Variants in PAX3 observed in about 807,000 individuals in gnomAD.
PAX3 encodes the protein paired box 3.
Under a neutral mutation model 51.6 loss-of-function variants are expected in PAX3, and 14 were observed. The observed-to-expected ratio is 0.27, with a 90% CI of 0.18 to 0.42. PAX3 has a LOEUF of 0.42. Ranked by LOEUF, PAX3 falls within the 10% of genes least tolerant of loss-of-function variation. The probability of loss-of-function intolerance (pLI) is 1.00; values close to 1 mark genes in which losing one functional copy is unlikely to be tolerated. For missense variants in PAX3, 540 were observed against 642.8 expected (o/e 0.84, Z 1.73); for synonymous variants, 280 against 253.4 (o/e 1.11, Z -1.00).
At chr2:222,249,479 T>C (rs947724700) in intron 4 of PAX3, among the ~76,000 whole-genome samples, 2 of 152,090 alleles carry the variant, frequency 1.3e-5, no homozygotes, top group African/African-American at 4.8e-5. Context: ...AACAAAGAGG[T>C]TTTTTTCTTC....
At chr2:222,273,781 G>A (rs1431093250) in intron 4 of PAX3, among the ~76,000 whole-genome samples, 1 of 151,022 alleles carries the variant, frequency 6.6e-6, no homozygotes, top group Non-Finnish European at 1.5e-5. Flanking sequence ...TTTTCCTATT[G>A]AGAAACTCAT....
chr2:222,207,455 C>A (rs182735066), intron 7 of PAX3, among the ~76,000 whole-genome samples: 1 of 152,268 alleles, frequency 6.6e-6, no homozygotes, highest in East Asian at 1.9e-4. Flanking sequence ...CTTTACCTAA[C>A]CAGATAGAAA....
chr2:222,221,171 G>A (rs779486027), intron 6 of PAX3, 51 bp downstream of exon 6: 2 of 1,555,662 alleles, frequency 1.3e-6, no homozygotes, highest in Non-Finnish European at 1.8e-6. Flanking sequence ...ATATCCACCA[G>A]AGAAATCGCC....
At chr2:222,287,450 C>T (rs1002863053) in intron 4 of PAX3, 1 of 152,164 alleles carries the variant, frequency 6.6e-6, no homozygotes, top group Admixed American at 6.5e-5. Flanking sequence ...CTTGGGTCAG[C>T]AATTTTGAGT....
At chr2:222,233,941 T>A (rs958493991) in intron 4 of PAX3, among the ~76,000 whole-genome samples, 1 of 152,234 alleles carries the variant, frequency 6.6e-6, no homozygotes, top group African/African-American at 2.4e-5. Context: ...AGAAGCAATG[T>A]GAATATGTGT....
intron 7 of PAX3, among the ~76,000 whole-genome samples, chr2:222,209,807 C>T (rs1691656292): frequency 6.8e-6 from 1 of 147,792 alleles, no homozygotes; most frequent in Non-Finnish European, 1.5e-5. Context: ...AAGAGAATCA[C>T]CTGAGCCCAG....
At chr2:222,257,228 A>G (rs1404439592) in intron 4 of PAX3, among the ~76,000 whole-genome samples, 1 of 151,468 alleles carries the variant, frequency 6.6e-6, no homozygotes, top group Non-Finnish European at 1.5e-5. Context: ...TGACCTTCAG[A>G]TAAGTTTCTG....
In PAX3 at chr2:222,213,351, C is replaced by A. The variant is rs542716666; in HGVS notation, c.1173+6789G>T. ...GTCAATTACAGCCTGCTCATTGATT[C>A]AACAAATGGATTAACAGCCATGTTT... is the stretch of plus-strand genomic sequence containing the variant. On this transcript the variant is annotated intron_variant, in intron 7 of 8. Transcript: ENST00000392070. 3.9e-5 allele frequency among the ~76,000 whole-genome samples: 6 copies of A among 152,232 alleles called. No individual in the cohort carries two copies. The East Asian group carries it at 5.8e-4, about 15-fold the overall frequency.
At chr2:222,284,797 G>A (rs1312037984) in intron 4 of PAX3, among the ~76,000 whole-genome samples, 1 of 152,176 alleles carries the variant, frequency 6.6e-6, no homozygotes, top group Non-Finnish European at 1.5e-5. Flanking sequence ...GGTGTAATTT[G>A]CACATAATAT....
intron 5 of PAX3, among the ~76,000 whole-genome samples, chr2:222,226,298 C>T (rs1427722773): frequency 6.6e-6 from 1 of 152,208 alleles, no homozygotes; most frequent in East Asian, 1.9e-4. Flanking sequence ...TGGACCTTCT[C>T]CTTCACTCTC....
chr2:222,276,665 C>T (rs376214859), intron 4 of PAX3, among the ~76,000 whole-genome samples: 1 of 152,130 alleles, frequency 6.6e-6, no homozygotes, highest in African/African-American at 2.4e-5. Context: ...CAACCAGGTC[C>T]CAGTAATAGT....
chr2:222,227,568 C>T (rs1361620362), intron 5 of PAX3, among the ~76,000 whole-genome samples: 1 of 152,120 alleles, frequency 6.6e-6, no homozygotes, highest in East Asian at 1.9e-4. Flanking sequence ...CTCCAGTGCA[C>T]TCCAGCTCAG....
chr2:222,288,870 T>C (rs776139029), intron 4 of PAX3, among the ~76,000 whole-genome samples: 1 of 152,194 alleles, frequency 6.6e-6, no homozygotes, highest in Non-Finnish European at 1.5e-5. Flanking sequence ...GACAGATAAA[T>C]TGAAATGATC....
At chr2:222,267,771 G>A (rs779226656) in intron 4 of PAX3, among the ~76,000 whole-genome samples, 4 of 152,128 alleles carry the variant, frequency 2.6e-5, no homozygotes, top group African/African-American at 9.7e-5. Context: ...ACCATTAAAC[G>A]AGGCAGAAGG....
intron 4 of PAX3, among the ~76,000 whole-genome samples, chr2:222,265,646 A>AAGGAAGGAAGGAAGGAAGGAAGGAAG (rs772452636): frequency 1.2e-4 from 13 of 109,248 alleles, no homozygotes; most frequent in African/African-American, 4.6e-4. Flanking sequence ...ATCAAAAAAA[A>AAGGAAGGAAGGAAGGAAGGAAGGAAG]GAAGGAAGGA....
At chr2:222,238,459 A>C (rs1482947336) in intron 4 of PAX3, among the ~76,000 whole-genome samples, 2 of 152,230 alleles carry the variant, frequency 1.3e-5, no homozygotes, top group African/African-American at 4.8e-5. Flanking sequence ...GAAACAAAAT[A>C]ATTCACAAGC....
chr2:222,242,189 T>C (rs540451454), intron 4 of PAX3, among the ~76,000 whole-genome samples: 68 of 151,992 alleles, frequency 4.5e-4, no homozygotes, highest in Admixed American at 1.0e-3. Flanking sequence ...TGAAACCACG[T>C]TTTTTTTGAT....
intron 4 of PAX3, among the ~76,000 whole-genome samples, chr2:222,258,863 C>G (rs1432120359): frequency 3.3e-5 from 5 of 152,094 alleles, no homozygotes; most frequent in African/African-American, 1.2e-4. Context: ...AACAAAAAGT[C>G]TCTTATTGGT....
At chr2:222,247,795 T>G in intron 4 of PAX3, among the ~76,000 whole-genome samples, 1 of 152,288 alleles carries the variant, frequency 6.6e-6, no homozygotes, top group African/African-American at 2.4e-5. Context: ...AAAAAAAATT[T>G]TTTTTTAGCG....
Sources: allele counts gnomAD v4.1 joint callset (sites outside exome capture counted in the v4.1 genomes callset), GRCh38; gene constraint gnomAD v4.1.1; transcripts MANE v1.5; gene names NCBI Gene and HGNC (gene_info 2026-07-23, HGNC 2026-07-21).